CILK1: variants seen among roughly 807,000 people sequenced by gnomAD.
CILK1 encodes ciliogenesis associated kinase 1.
Under a neutral mutation model 79.2 loss-of-function variants are expected in CILK1, and 47 were observed. The ratio of observed to expected loss-of-function variants is 0.59; its 90% CI spans 0.47 to 0.76. The LOEUF (loss-of-function observed/expected upper bound fraction) is 0.76, where lower values mean the gene tolerates loss of function less well. CILK1 is among the 30% of genes least tolerant of loss of function. CILK1 has a pLI of 0.00. For synonymous variants in CILK1, 266 were observed against 275.9 expected (o/e 0.96, Z 0.36); for missense variants, 660 against 769.5 (o/e 0.86, Z 1.68).
chr6:53,034,323 T>C (rs903353453), intron 3 of CILK1, among the ~76,000 whole-genome samples: 1 of 152,204 alleles, frequency 6.6e-6, no homozygotes, highest in Non-Finnish European at 1.5e-5. Flanking sequence ...TGTTTCTAGG[T>C]GAGTCTCATG....
At chr6:53,023,452 T>A (rs1188455316) in intron 5 of CILK1, among the ~76,000 whole-genome samples, 1 of 151,840 alleles carries the variant, frequency 6.6e-6, no homozygotes, top group Non-Finnish European at 1.5e-5. Flanking sequence ...ACCAGAGCTG[T>A]GAGGAGGATG....
Position 53,014,001 on chromosome 6 carries a change from C to G in CILK1, c.832-19G>C, listed in dbSNP as rs1360765977. 1 of 1,601,370 alleles carries G rather than the reference C, an allele frequency of 6.2e-7. No individual in the cohort carries two copies. Among genetic ancestry groups the G allele is most frequent in the South Asian group, 1.1e-5 (1 of 90,602 alleles). Reference sequence around the variant, plus strand: ...GAAGTGCCTGGAATGACAAATAAGGCTTTAGGAGAAAAGTCTAGCCAGGAA... The same window carrying G: ...GAAGTGCCTGGAATGACAAATAAGGGTTTAGGAGAAAAGTCTAGCCAGGAA... On this transcript the variant is annotated intron_variant, in intron 8 of 13. Coordinates refer to ENST00000676107, the MANE Select transcript of CILK1 (RefSeq NM_014920.5).
At chr6:53,041,071 T>C (rs1223503957) in intron 2 of CILK1, 65 bp downstream of exon 2, 24 of 1,101,780 alleles carry the variant, frequency 2.2e-5, no homozygotes, top group Non-Finnish European at 7.0e-6. Flanking sequence ...TTTAGAACTG[T>C]TACAAAGACG....
chr6:53,025,471 C>A lies in CILK1; in HGVS notation c.358+5594G>T, dbSNP rs181985522. Among the ~76,000 whole-genome samples the A allele has an allele frequency of 1.0e-3, 153 of 152,296 alleles. 1 individual carries two copies. The highest frequency in any genetic ancestry group is 3.4e-3 in the African/African-American group (143 of 41,554). The stretch of plus-strand genomic sequence containing the variant: ...ATGCTCCTGTAAACACTGGCCACTC[C>A]TCCCATCAGCCAAGCTTTATCCTCT... On this transcript the variant is annotated intron_variant, in intron 5 of 13. Transcript: ENST00000676107.
In CILK1 at chr6:53,005,047, T is replaced by C. The variant is rs185971441; in HGVS notation, c.*102A>G. 5.0e-4 allele frequency: 654 copies of C among 1,318,530 alleles called. No individual in the cohort carries two copies. Among genetic ancestry groups the C allele is most frequent in the Admixed American group, 3.2e-3 (192 of 59,522 alleles). The allele number at this position is 1,318,530 out of a possible 1,614,324, so 81.7% of individuals were successfully genotyped here. A position where few individuals can be genotyped will look rare whatever the true frequency, so the allele number is the denominator to read the frequency against. ...AGAAGAATAACTATAAAGTGTTGAT[T>C]TGCTTTTATGCCCTCTGCACATCTT... On this transcript the variant is annotated 3_prime_UTR_variant, in exon 14 of 14. Transcript: ENST00000676107.
intron 1 of CILK1, among the ~76,000 whole-genome samples, chr6:53,053,350 T>A (rs1378096890): frequency 6.6e-6 from 1 of 152,190 alleles, no homozygotes; most frequent in Admixed American, 6.5e-5. Flanking sequence ...CTTGGATAAA[T>A]CATTCACTAC....
chr6:53,016,351 T>C (rs1383106382), intron 7 of CILK1, 101 bp from the exon 8 acceptor site: 31 of 1,127,414 alleles, frequency 2.7e-5, no homozygotes, highest in Non-Finnish European at 3.9e-5. Flanking sequence ...ACCATGTCAT[T>C]ACCCACCCAC....
chr6:53,048,076 A>G (rs1378354248), intron 1 of CILK1, among the ~76,000 whole-genome samples: 2 of 152,178 alleles, frequency 1.3e-5, no homozygotes, highest in Non-Finnish European at 2.9e-5. Context: ...CCATTCACAT[A>G]GAACACAACG....
rs1765014781 is a variant in CILK1 at position 53,018,376 on chromosome 6, A to G, written c.617T>C (p.Ile206Thr). 5.0e-6 allele frequency: 8 copies of G among 1,614,072 alleles called. No individual in the cohort carries two copies. In the African/African-American group the frequency reaches 8.0e-5, roughly 16 times the overall value. The change falls in exon 7 of 14, where the codon ATT becomes ACT. Residue 206 changes from isoleucine (I) to threonine (T), a missense_variant. Physicochemically the swap from Ile to Thr is moderately conservative, Grantham distance 89. Coordinates refer to ENST00000676107, the MANE Select transcript of CILK1 (RefSeq NM_014920.5). ...TTGGCAAATTTTGAATATTGTGTCA[A>G]TTTCACTGGCTCCAGGGAAGAGTGG... ...LRPLFPGASE[I>T]DTIFKICQVL...
At chr6:53,027,961 C>T (rs1368120596) in intron 5 of CILK1, among the ~76,000 whole-genome samples, 1 of 152,156 alleles carries the variant, frequency 6.6e-6, no homozygotes, top group South Asian at 2.1e-4. Flanking sequence ...TCCTGGCTAA[C>T]ATGGTGAAAC....
rs138234281 is a variant in CILK1, at chr6:53,009,232, T to C, written c.1621+207A>G. Among the ~76,000 whole-genome samples, 353 of 152,302 alleles carry C rather than the reference T, an allele frequency of 2.3e-3. 3 individuals are homozygous for C. Among genetic ancestry groups the C allele is most frequent in the South Asian group, 0.011 (52 of 4,820 alleles). On this transcript the variant is annotated intron_variant, in intron 12 of 13. Transcript: ENST00000676107. Reference sequence around the variant, plus strand: ...ACTATGCTCTACTCCCCAGCTACCCTGGAAGGCAGACTCCCCTGGGAGCTG... The same window carrying C: ...ACTATGCTCTACTCCCCAGCTACCCCGGAAGGCAGACTCCCCTGGGAGCTG...
At chr6:53,009,382 T>A in intron 12 of CILK1, 57 bp downstream of exon 12, 1 of 1,576,516 alleles carries the variant, frequency 6.3e-7, no homozygotes, top group Non-Finnish European at 8.7e-7. Context: ...TGTGCCCACC[T>A]TCCTGCATCC....
Position 53,012,099 on chromosome 6 carries a change from A to C in CILK1, c.1281T>G (p.Ser427Arg). 6.2e-7 allele frequency: 1 copy of C among 1,614,168 alleles called. No individual in the cohort carries two copies. The highest frequency in any genetic ancestry group is 8.5e-7 in the Non-Finnish European group (1 of 1,180,024). Residue 427 changes from serine to arginine, a missense_variant, in exon 10 of 14, where the codon AGT (serine) becomes AGG (arginine). Physicochemically the swap from Ser to Arg is moderately radical, Grantham distance 110. Coordinates refer to ENST00000676107, the MANE Select transcript of CILK1 (RefSeq NM_014920.5). ...DWADLDDLDF[S>R]PSLSRIDLKN... The stretch of plus-strand genomic sequence containing the variant: ...TCAGGTCAATCCTGCTGAGGGATGG[A>C]CTGAAATCCAAGTCATCCAAGTCAG...
chr6:53,007,888 C>T (rs553466659), intron 12 of CILK1, among the ~76,000 whole-genome samples: 209 of 151,430 alleles, frequency 1.4e-3, no homozygotes, highest in Admixed American at 3.7e-3. Context: ...TGCAGTGAGC[C>T]GAGATCATGC....
At chr6:53,027,424 T>C (rs2127432766) in intron 5 of CILK1, among the ~76,000 whole-genome samples, 1 of 152,318 alleles carries the variant, frequency 6.6e-6, no homozygotes, top group African/African-American at 2.4e-5. Flanking sequence ...TGTGTTTTCA[T>C]TCCCTGTAGG....
chr6:53,041,585 C>A (rs746242072), intron 1 of CILK1, among the ~76,000 whole-genome samples, 177 bp from the exon 2 acceptor site: 1 of 152,154 alleles, frequency 6.6e-6, no homozygotes, highest in African/African-American at 2.4e-5. Context: ...CCTGCAAAGC[C>A]CAAAGTACAG....
chr6:53,029,782 C>T (rs1171440457), intron 5 of CILK1, among the ~76,000 whole-genome samples: 2 of 152,176 alleles, frequency 1.3e-5, no homozygotes, highest in Non-Finnish European at 2.9e-5. Flanking sequence ...CACCCAGTCT[C>T]CTTGAGTAAT....
rs75629234 is a variant in CILK1, at chr6:53,059,833, T to C, written c.-173+1763A>G. Among the ~76,000 whole-genome samples the C allele has an allele frequency of 3.0e-3, 452 of 152,276 alleles. 1 individual carries two copies. Among genetic ancestry groups the C allele is most frequent in the African/African-American group, 0.01 (422 of 41,562 alleles). On this transcript the variant is annotated intron_variant, in intron 1 of 13. Coordinates refer to ENST00000676107, the MANE Select transcript of CILK1 (RefSeq NM_014920.5). ...ATCATTTTAAAGATTAGACAGGCAA[T>C]AGAACACTGAAAAGACCAGAGGGAT...
chr6:53,002,387 G>C lies in CILK1; in HGVS notation c.*2762C>G, dbSNP rs571604738. The stretch of plus-strand genomic sequence containing the variant: ...CTGTAAATGAGGTATAGTCCTGATA[G>C]GTACAGTTACAGGTATATCATTTCT... On this transcript the variant is annotated 3_prime_UTR_variant, in exon 14 of 14. Transcript: ENST00000676107. The C allele has an allele frequency of 1.3e-5, 2 of 152,200 alleles. No individual in the cohort carries two copies. The highest frequency in any genetic ancestry group is 4.2e-4 in the South Asian group (2 of 4,806). 9.4% of individuals were successfully genotyped at this position (152,200 alleles called of 1,614,324 possible).
Sources: gnomAD v4.1 joint callset for allele counts (sites outside exome capture counted in the v4.1 genomes callset) on GRCh38, gnomAD v4.1.1 for gene constraint, MANE v1.5 for transcripts, NCBI Gene and HGNC (gene_info 2026-07-23, HGNC 2026-07-21) for gene names.